Variants in RBFOX1 observed in about 807,000 individuals in gnomAD.
The protein encoded by RBFOX1 is RNA binding protein fox-1 homolog 1.
Under a neutral mutation model 57.7 loss-of-function variants are expected in RBFOX1, and 8 were observed. That is an observed-to-expected ratio of 0.14 (90% CI 0.08 to 0.25). The LOEUF (loss-of-function observed/expected upper bound fraction) is 0.25. Ranked by LOEUF, RBFOX1 falls within the 10% of genes least tolerant of loss-of-function variation. The pLI, the probability that RBFOX1 is intolerant of heterozygous loss-of-function variation, is 1.00. For synonymous variants in RBFOX1, 326 were observed against 222.4 expected, an observed-to-expected ratio of 1.47 and a Z score of -4.15; for missense variants, 611 against 548.5, an observed-to-expected ratio of 1.11 and a Z score of -1.14.
At chr16:6,136,706 C>A (rs2096669998) in intron 1 of RBFOX1, among the ~76,000 whole-genome samples, 4 of 152,160 alleles carry the variant, frequency 2.6e-5, no homozygotes, top group Non-Finnish European at 5.9e-5. Context: ...GGAAGCATTT[C>A]TCTTCAAAAT....
At chr16:6,045,328 G>A (rs535495652) in intron 1 of RBFOX1, among the ~76,000 whole-genome samples, 1 of 152,236 alleles carries the variant, frequency 6.6e-6, no homozygotes, top group East Asian at 1.9e-4. Flanking sequence ...TTAATGCTTG[G>A]GTGTTTGGTG....
chr16:6,421,067 C>T (rs1389959237), intron 2 of RBFOX1, among the ~76,000 whole-genome samples: 2 of 152,186 alleles, frequency 1.3e-5, no homozygotes, highest in Admixed American at 6.5e-5. Flanking sequence ...ATAATTTAGA[C>T]TCCAATTTGT....
chr16:7,019,636 G>T (rs1486519324), intron 3 of RBFOX1, among the ~76,000 whole-genome samples: 1 of 126,350 alleles, frequency 7.9e-6, no homozygotes, highest in African/African-American at 4.6e-5. Context: ...GATCAGGGCT[G>T]TGATTCCTAG....
chr16:7,446,960 C>G (rs757663368), intron 4 of RBFOX1, among the ~76,000 whole-genome samples: 20 of 151,384 alleles, frequency 1.3e-4, no homozygotes, highest in Non-Finnish European at 2.4e-4. Flanking sequence ...CTACAGGTGC[C>G]CGCCACCACA....
chr16:7,417,278 C>CTT (rs2098487773), intron 4 of RBFOX1, among the ~76,000 whole-genome samples: 1 of 148,432 alleles, frequency 6.7e-6, no homozygotes, highest in Non-Finnish European at 1.5e-5. Context: ...GAAACTGAGA[C>CTT]AGGGGAATCA....
chr16:7,052,132 T>G (rs773792038), intron 4 of RBFOX1, 34 bp downstream of exon 4: 1 of 1,585,050 alleles, frequency 6.3e-7, no homozygotes, highest in Admixed American at 1.9e-5. Flanking sequence ...GCTTCCTGAT[T>G]CTCATTTTTG....
chr16:7,103,348 G>A (rs530320694), intron 4 of RBFOX1, among the ~76,000 whole-genome samples: 1 of 152,258 alleles, frequency 6.6e-6, no homozygotes, highest in South Asian at 2.1e-4. Flanking sequence ...TAAGGGGCAG[G>A]CATCGTTCCT....
chr16:7,398,553 G>A (rs1030516458), intron 4 of RBFOX1, among the ~76,000 whole-genome samples: 3 of 152,220 alleles, frequency 2.0e-5, no homozygotes, highest in African/African-American at 7.2e-5. Context: ...CGCTTACCCA[G>A]ATGTTAGTTG....
intron 3 of RBFOX1, among the ~76,000 whole-genome samples, chr16:6,743,737 G>A (rs1397576333): frequency 1.3e-5 from 2 of 151,362 alleles, no homozygotes; most frequent in South Asian, 4.2e-4. Context: ...TGCACTCAGG[G>A]CAAAGCAACA....
At chr16:6,067,003 C>G (rs374090953) in intron 1 of RBFOX1, among the ~76,000 whole-genome samples, 20 of 152,104 alleles carry the variant, frequency 1.3e-4, no homozygotes, top group African/African-American at 4.6e-4. Context: ...GGTGCCTGAA[C>G]TATCAACACG....
chr16:6,211,930 A>C (rs1417959131), intron 1 of RBFOX1, among the ~76,000 whole-genome samples: 2 of 151,860 alleles, frequency 1.3e-5, no homozygotes, highest in East Asian at 3.9e-4. Flanking sequence ...GCTCACTGCA[A>C]CCTCTGCCTC....
chr16:5,288,488 AAC>A (rs1396339762), intron 1 of RBFOX1, among the ~76,000 whole-genome samples: 1 of 152,164 alleles, frequency 6.6e-6, no homozygotes, highest in Non-Finnish European at 1.5e-5. Flanking sequence ...TGTAAAATAA[AAC>A]ACAGTCACAT....
chr16:7,339,204 C>T (rs941454842), intron 4 of RBFOX1, among the ~76,000 whole-genome samples: 3 of 152,166 alleles, frequency 2.0e-5, no homozygotes, highest in Non-Finnish European at 4.4e-5. Context: ...GAAGGCCTAG[C>T]TTGCAAAGTC....
chr16:6,375,745 C>T (rs539700229), intron 2 of RBFOX1, among the ~76,000 whole-genome samples: 3 of 152,028 alleles, frequency 2.0e-5, no homozygotes, highest in Non-Finnish European at 4.4e-5. Context: ...TCTGACGGAG[C>T]GAGAATGAGT....
At chr16:5,278,912 C>T (rs2063205073) in intron 1 of RBFOX1, among the ~76,000 whole-genome samples, 2 of 152,186 alleles carry the variant, frequency 1.3e-5, no homozygotes, top group South Asian at 4.2e-4. Context: ...TACGTGGATT[C>T]ATTTCTGGGT....
chr16:6,880,499 C>A (rs555480506), intron 3 of RBFOX1, among the ~76,000 whole-genome samples: 1 of 152,154 alleles, frequency 6.6e-6, no homozygotes, highest in Non-Finnish European at 1.5e-5. Flanking sequence ...AAAAGCTGGG[C>A]CAGGTAGAGA....
chr16:6,576,648 T>A (rs577045565), intron 2 of RBFOX1, among the ~76,000 whole-genome samples: 1 of 127,164 alleles, frequency 7.9e-6, no homozygotes, highest in Non-Finnish European at 1.8e-5. Context: ...TTCCTATTTT[T>A]GTTGGCAGGG....
intron 2 of RBFOX1, among the ~76,000 whole-genome samples, chr16:6,359,727 C>T (rs2088073320): frequency 1.3e-5 from 2 of 152,152 alleles, no homozygotes; most frequent in South Asian, 4.1e-4. Context: ...ACGAAGGGAT[C>T]AGGCGTGTAT....
chr16:6,861,418 T>G (rs2058971617), intron 3 of RBFOX1, among the ~76,000 whole-genome samples: 1 of 152,044 alleles, frequency 6.6e-6, no homozygotes, highest in South Asian at 2.1e-4. Flanking sequence ...ATGTCTTTGA[T>G]CAATGTAAAC....
Sources: allele counts gnomAD v4.1 joint callset (sites outside exome capture counted in the v4.1 genomes callset), GRCh38; gene constraint gnomAD v4.1.1; transcripts MANE v1.5; gene names NCBI Gene and HGNC (gene_info 2026-07-23, HGNC 2026-07-21).